Variants in ESR1 observed in about 807,000 individuals in gnomAD.
ESR1 encodes the protein estrogen receptor.
Under a neutral mutation model 52.7 loss-of-function variants are expected in ESR1, and 12 were observed. The observed-to-expected ratio is 0.23, with a 90% confidence interval of 0.15 to 0.37. The LOEUF is 0.37. Among genes scored for constraint, ESR1 ranks in the 10% least tolerant of loss-of-function variants. ESR1 has a pLI of 1.00. For missense variants in ESR1, 584 were observed against 779.7 expected, an observed-to-expected ratio of 0.75 and a Z score of 2.99; for synonymous variants, 305 against 316.8, an observed-to-expected ratio of 0.96 and a Z score of 0.39.
At chr6:151,860,383 T>G (rs1788650818) in intron 2 of ESR1, among the ~76,000 whole-genome samples, 1 of 152,160 alleles carries the variant, frequency 6.6e-6, no homozygotes, top group Non-Finnish European at 1.5e-5. Context: ...GCTACATAAC[T>G]GCAACTTTGT....
chr6:152,064,045 G>A (rs751258163), intron 6 of ESR1, among the ~76,000 whole-genome samples: 5 of 152,134 alleles, frequency 3.3e-5, no homozygotes, highest in East Asian at 1.9e-4. Flanking sequence ...GGAGATATTC[G>A]TCATCATTTC....
Position 152,098,697 on chromosome 6 carries a change from C to G in ESR1, c.1554-35C>G, listed in dbSNP as rs771999023. The G allele has an allele frequency of 4.4e-6, 7 of 1,584,422 alleles. No individual in the cohort carries two copies. The highest frequency in any genetic ancestry group is 1.7e-4 in the Middle Eastern group (1 of 6,028). The stretch of plus-strand genomic sequence containing the variant: ...AGCACTCCTGGGGCTCGGGTTGGCT[C>G]TAAAGTAGTCCTTTCTGTGTCTTCC... On this transcript the variant is annotated intron_variant, in intron 7 of 7. Transcript: ENST00000206249. This position sits in a 1 kb window ranked among gnomAD's most constrained non-coding sequence, Gnocchi z 5.1.
chr6:152,078,084 T>G (rs774848689), intron 6 of ESR1, among the ~76,000 whole-genome samples: 6 of 152,170 alleles, frequency 3.9e-5, no homozygotes, highest in Non-Finnish European at 5.9e-5. Context: ...TATACTCCCA[T>G]AATTCCAAAG....
At chr6:152,062,847 T>C (rs758178420) in intron 6 of ESR1, among the ~76,000 whole-genome samples, 36 of 152,226 alleles carry the variant, frequency 2.4e-4, no homozygotes, top group Non-Finnish European at 2.1e-4. Flanking sequence ...ATCCACACAG[T>C]GGATGCTCTG....
At chr6:151,925,282 G>A (rs900414033) in intron 3 of ESR1, among the ~76,000 whole-genome samples, 12 of 151,986 alleles carry the variant, frequency 7.9e-5, no homozygotes, top group African/African-American at 2.7e-4. Flanking sequence ...TTTTCAATGA[G>A]GTGTACATCA....
intron 4 of ESR1, among the ~76,000 whole-genome samples, chr6:151,947,105 G>A (rs753255414): frequency 2.0e-5 from 3 of 152,156 alleles, no homozygotes; most frequent in African/African-American, 4.8e-5. Context: ...ATCACCTGAG[G>A]TCAGGAGTTC....
At chr6:151,877,107 TTTC>T (rs1791966667) in intron 2 of ESR1, among the ~76,000 whole-genome samples, 1 of 152,146 alleles carries the variant, frequency 6.6e-6, no homozygotes, top group East Asian at 1.9e-4. Context: ...TTAAAAAGAA[TTTC>T]TTCTTTTTTT....
chr6:151,992,820 C>T (rs754876406), intron 4 of ESR1, among the ~76,000 whole-genome samples: 1 of 151,822 alleles, frequency 6.6e-6, no homozygotes, highest in Admixed American at 6.6e-5. Flanking sequence ...ATAAGAGAAG[C>T]GGATTAAAAA....
At chr6:152,119,213 TATCA>T (rs1320386471) in intron 6 of ESR1, among the ~76,000 whole-genome samples, 1 of 152,184 alleles carries the variant, frequency 6.6e-6, no homozygotes, top group Non-Finnish European at 1.5e-5. Context: ...GGGTGTAGGC[TATCA>T]ATCAATCTAC....
rs564622776 is a variant in ESR1, at chr6:151,908,443, A to T, written c.760+27672A>T. ...GTTCATTCAATGTCATCATGATGAT[A>T]TTGAAATGTCAATAGCAGATGACTT... On this transcript the variant is annotated intron_variant, in intron 3 of 7. Transcript: ENST00000206249. Among the ~76,000 whole-genome samples the T allele has an allele frequency of 4.6e-5, 7 of 152,330 alleles. No homozygotes were observed. The East Asian group carries it at 1.3e-3, about 29-fold the overall frequency.
intron 2 of ESR1, among the ~76,000 whole-genome samples, chr6:151,739,240 C>G (rs994192041): frequency 6.6e-6 from 1 of 152,116 alleles, no homozygotes; most frequent in Non-Finnish European, 1.5e-5. Context: ...GTCAGAGTTG[C>G]AAGGACCAAA....
chr6:151,742,116 C>A (rs1364150100), intron 2 of ESR1, among the ~76,000 whole-genome samples: 1 of 152,130 alleles, frequency 6.6e-6, no homozygotes, highest in African/African-American at 2.4e-5. Context: ...AGATCTCATT[C>A]GTTTTTAAGG....
At chr6:151,691,258 TG>T (rs1210353788) in intron 1 of ESR1, among the ~76,000 whole-genome samples, 1 of 152,250 alleles carries the variant, frequency 6.6e-6, no homozygotes, top group Non-Finnish European at 1.5e-5. Flanking sequence ...TTTTGAGTCC[TG>T]GTGTCCCATT....
At chr6:152,010,604 G>A (rs563319470) in intron 4 of ESR1, among the ~76,000 whole-genome samples, 1 of 152,096 alleles carries the variant, frequency 6.6e-6, no homozygotes, top group Non-Finnish European at 1.5e-5. Flanking sequence ...GTATCTTAAT[G>A]TGTGTGGTGT....
chr6:151,772,123 C>A (rs1295042128), intron 2 of ESR1, among the ~76,000 whole-genome samples: 1 of 152,196 alleles, frequency 6.6e-6, no homozygotes, highest in African/African-American at 2.4e-5. Flanking sequence ...ATGTGGGTTT[C>A]TAACAGGGCA....
At chr6:151,681,044 C>T (rs921932450) in intron 1 of ESR1, among the ~76,000 whole-genome samples, 1 of 152,140 alleles carries the variant, frequency 6.6e-6, no homozygotes, top group Non-Finnish European at 1.5e-5. Context: ...CAGAGCCCTG[C>T]CAGCTGCCTG....
Position 151,755,464 on chromosome 6 carries a change from C to T in ESR1, c.-70-52379C>T, listed in dbSNP as rs143718399. On this transcript the variant is annotated intron_variant, in intron 2 of 2. Coordinates refer to the ESR1 transcript ENST00000404742. Reference sequence around the variant, plus strand: ...GGAATTTAACCACTTCCTATCACTGCCATTGCTACCCACCTGCTCTTAGTT... The same window carrying T: ...GGAATTTAACCACTTCCTATCACTGTCATTGCTACCCACCTGCTCTTAGTT... Among the ~76,000 whole-genome samples, 4 of 152,174 alleles carry T rather than the reference C, an allele frequency of 2.6e-5. No homozygotes were observed. In the East Asian group the frequency reaches 7.7e-4, roughly 29 times the overall value.
chr6:152,117,100 A>G (rs2051219580), intron 6 of ESR1, among the ~76,000 whole-genome samples: 1 of 152,202 alleles, frequency 6.6e-6, no homozygotes, highest in African/African-American at 2.4e-5. Flanking sequence ...TCTTTGAGCC[A>G]CAGGTGAGCC....
chr6:152,077,084 C>A (rs2048795728), intron 6 of ESR1, among the ~76,000 whole-genome samples: 1 of 152,084 alleles, frequency 6.6e-6, no homozygotes, highest in Admixed American at 6.5e-5. Flanking sequence ...CCATCACAGA[C>A]CCGGAAGCCT....
Sources: gnomAD v4.1 joint callset for allele counts (sites outside exome capture counted in the v4.1 genomes callset) on GRCh38, gnomAD v4.1.1 for gene constraint, Gnocchi (gnomAD v3.1) non-coding constraint, MANE v1.5 for transcripts, NCBI Gene and HGNC (gene_info 2026-07-23, HGNC 2026-07-21) for gene names.